Variants in DLG2 observed in about 807,000 individuals in gnomAD.
DLG2 encodes discs large MAGUK scaffold protein 2, also known as disks large homolog 2.
In DLG2, 45 loss-of-function variants were observed where a neutral mutation model predicts 132.5. That is an observed-to-expected ratio of 0.34 (90% CI 0.27 to 0.44). DLG2 has a LOEUF of 0.44. DLG2 is among the 20% of genes least tolerant of loss of function. The pLI is 1.00. For missense variants in DLG2, 1,045 were observed against 1,196.9 expected (o/e 0.87, Z 1.87); for synonymous variants, 424 against 419.6 (o/e 1.01, Z -0.13).
intron 17 of DLG2, among the ~76,000 whole-genome samples, chr11:83,823,504 T>A (rs2051460780): frequency 6.6e-6 from 1 of 152,168 alleles, no homozygotes; most frequent in Admixed American, 6.6e-5. Flanking sequence ...TGGAAATATA[T>A]TCCATTGGCC....
intron 7 of DLG2, among the ~76,000 whole-genome samples, chr11:84,501,172 T>C (rs2099203643): frequency 6.6e-6 from 1 of 152,228 alleles, no homozygotes; most frequent in South Asian, 2.1e-4. Context: ...GAATATAAGC[T>C]TCCAAATATA....
chr11:84,541,770 T>C (rs2099372410), intron 6 of DLG2, among the ~76,000 whole-genome samples: 1 of 152,058 alleles, frequency 6.6e-6, no homozygotes, highest in Non-Finnish European at 1.5e-5. Flanking sequence ...CCAGCTGAGC[T>C]TGCACGCAGT....
intron 4 of DLG2, among the ~76,000 whole-genome samples, chr11:85,231,585 T>C (rs926336530): frequency 6.6e-6 from 1 of 151,952 alleles, no homozygotes; most frequent in African/African-American, 2.4e-5. Flanking sequence ...TTCTCCTATC[T>C]AGTGATTTCT....
chr11:85,541,652 C>CA (rs1187001993), intron 3 of DLG2, among the ~76,000 whole-genome samples: 2 of 151,702 alleles, frequency 1.3e-5, no homozygotes, highest in Non-Finnish European at 2.9e-5. Context: ...AGAGTGAGTG[C>CA]AAAAAAACAC....
At chr11:84,147,989 G>A (rs2095148410) in intron 9 of DLG2, among the ~76,000 whole-genome samples, 1 of 151,584 alleles carries the variant, frequency 6.6e-6, no homozygotes, top group East Asian at 1.9e-4. Context: ...ACAATGCTAT[G>A]AAGTAGATAG....
At chr11:84,662,329 A>G (rs1359818443) in intron 6 of DLG2, among the ~76,000 whole-genome samples, 1 of 151,212 alleles carries the variant, frequency 6.6e-6, no homozygotes. Context: ...GGCACATGCC[A>G]CCATGCCCAG....
At chr11:85,175,436 G>A (rs773446502) in intron 4 of DLG2, among the ~76,000 whole-genome samples, 10 of 152,098 alleles carry the variant, frequency 6.6e-5, no homozygotes, top group Non-Finnish European at 1.0e-4. Flanking sequence ...TAAAAACTCT[G>A]TATAAACTAG....
intron 9 of DLG2, among the ~76,000 whole-genome samples, chr11:84,132,045 G>C (rs1031324405): frequency 6.6e-6 from 1 of 151,524 alleles, no homozygotes; most frequent in African/African-American, 2.4e-5. Flanking sequence ...TGTGTATCAG[G>C]ATTACCTCTT....
intron 17 of DLG2, chr11:83,791,284 C>T (rs2041492641): frequency 2.9e-6 from 2 of 678,788 alleles, no homozygotes; most frequent in East Asian, 2.6e-5. Context: ...GGCAGAGCTC[C>T]CAGAGGGTTT....
intron 7 of DLG2, among the ~76,000 whole-genome samples, chr11:84,365,982 G>A (rs1212218716): frequency 6.6e-6 from 1 of 151,946 alleles, no homozygotes; most frequent in Non-Finnish European, 1.5e-5. Flanking sequence ...GATACTCCTC[G>A]AGAAGAGCAA....
chr11:84,910,130 T>G (rs1320249150), intron 6 of DLG2, among the ~76,000 whole-genome samples: 1 of 152,214 alleles, frequency 6.6e-6, no homozygotes, highest in South Asian at 2.1e-4. Context: ...ATCTTCCTAA[T>G]GAGAATGGGC....
chr11:83,484,089 C>T, intron 22 of DLG2, 40 bp downstream of exon 22: 5 of 1,559,718 alleles, frequency 3.2e-6, no homozygotes, highest in Non-Finnish European at 4.4e-6. Flanking sequence ...TTTTTTTTCT[C>T]TTATGTTGCA....
chr11:84,306,631 C>T (rs2098221949), intron 7 of DLG2, among the ~76,000 whole-genome samples: 1 of 152,134 alleles, frequency 6.6e-6, no homozygotes, highest in Non-Finnish European at 1.5e-5. Flanking sequence ...CGTTAATATT[C>T]ATGACTGTCT....
intron 6 of DLG2, among the ~76,000 whole-genome samples, chr11:84,933,723 C>A (rs759664452): frequency 5.3e-5 from 8 of 152,200 alleles, no homozygotes; most frequent in Non-Finnish European, 1.2e-4. Context: ...TATCCTGAGA[C>A]TTTGCTGAAG....
chr11:84,711,466 T>G (rs1329209784), intron 6 of DLG2, among the ~76,000 whole-genome samples: 2 of 135,642 alleles, frequency 1.5e-5, no homozygotes, highest in African/African-American at 2.7e-5. Context: ...GGAGGTTTTG[T>G]CCCAAGGTCA....
chr11:84,650,263 T>C (rs1565558757), intron 6 of DLG2, among the ~76,000 whole-genome samples: 1 of 152,176 alleles, frequency 6.6e-6, no homozygotes, highest in East Asian at 1.9e-4. Flanking sequence ...TGAACTCTCC[T>C]CCCTCATTAC....
chr11:85,574,291 C>T (rs2078021579), intron 3 of DLG2, among the ~76,000 whole-genome samples: 2 of 151,958 alleles, frequency 1.3e-5, no homozygotes, highest in Non-Finnish European at 2.9e-5. Context: ...TGATATCTCC[C>T]TGGTACCCCA....
chr11:83,594,345 T>C (rs2097249217), intron 19 of DLG2, among the ~76,000 whole-genome samples: 1 of 152,236 alleles, frequency 6.6e-6, no homozygotes, highest in Non-Finnish European at 1.5e-5. Flanking sequence ...AGAAATAAAC[T>C]TTTATGTGTG....
chr11:84,222,597 T>G (rs1294884203), intron 8 of DLG2, among the ~76,000 whole-genome samples: 1 of 152,188 alleles, frequency 6.6e-6, no homozygotes, highest in Non-Finnish European at 1.5e-5. Context: ...ATGTATCACC[T>G]AACCTTATGT....
Sources: allele counts gnomAD v4.1 joint callset (sites outside exome capture counted in the v4.1 genomes callset), GRCh38; gene constraint gnomAD v4.1.1; transcripts MANE v1.5; gene names NCBI Gene and HGNC (gene_info 2026-07-23, HGNC 2026-07-21).